Variants in MAPK10 observed in about 807,000 individuals in gnomAD.
MAPK10 encodes mitogen-activated protein kinase 10.
MAPK10 carries 25 observed loss-of-function variants against 59.3 expected under a neutral mutation model. The observed-to-expected ratio is 0.42, with a 90% CI of 0.31 to 0.59. MAPK10 has a LOEUF of 0.59. Among genes scored for constraint, MAPK10 ranks in the 20% least tolerant of loss-of-function variants. MAPK10 has a pLI of 0.15. For synonymous variants in MAPK10, 190 were observed against 200.5 expected (o/e 0.95, Z 0.44); for missense variants, 351 against 568.9 (o/e 0.62, Z 3.90).
intron 4 of MAPK10, among the ~76,000 whole-genome samples, chr4:86,129,697 T>C (rs995834652): frequency 6.6e-6 from 1 of 152,178 alleles, no homozygotes; most frequent in Non-Finnish European, 1.5e-5. Flanking sequence ...TTGGTGTCAT[T>C]AGCAGCCAGT....
At chr4:86,296,147 G>C (rs186720221) in intron 2 of MAPK10, among the ~76,000 whole-genome samples, 44 of 148,574 alleles carry the variant, frequency 3.0e-4, no homozygotes, top group African/African-American at 9.0e-4. Context: ...CTGCACTCCA[G>C]CCTGAGTGAC....
At chr4:86,315,987 A>G (rs1578137603) in intron 2 of MAPK10, among the ~76,000 whole-genome samples, 1 of 152,302 alleles carries the variant, frequency 6.6e-6, no homozygotes, top group Non-Finnish European at 1.5e-5. Flanking sequence ...GTGCAAGTAA[A>G]TCTCTATACC....
At chr4:86,140,674 AAAGTAT>A (rs1031914250) in intron 4 of MAPK10, among the ~76,000 whole-genome samples, 43 of 151,768 alleles carry the variant, frequency 2.8e-4, no homozygotes, top group Middle Eastern at 3.4e-3. Flanking sequence ...CCTAAAACTT[AAAGTAT>A]AATAATAAAA....
intron 2 of MAPK10, among the ~76,000 whole-genome samples, chr4:86,241,860 C>T (rs1358331013): frequency 2.0e-5 from 3 of 152,170 alleles, no homozygotes; most frequent in Non-Finnish European, 4.4e-5. Context: ...CTGTCTAGTT[C>T]TTCACCTTTG....
chr4:86,080,717 G>C (rs933311488), intron 9 of MAPK10: 4 of 151,820 alleles, frequency 2.6e-5, no homozygotes, highest in Non-Finnish European at 5.9e-5. Flanking sequence ...AGCCTAAAAA[G>C]AAAACTAAAA....
At chr4:86,352,565 T>C (rs963675065) in intron 2 of MAPK10, among the ~76,000 whole-genome samples, 1 of 152,108 alleles carries the variant, frequency 6.6e-6, no homozygotes, top group Non-Finnish European at 1.5e-5. Context: ...GTAATGTGCA[T>C]GACAAAAGGT....
chr4:86,323,794 G>A (rs2095957246), intron 2 of MAPK10, among the ~76,000 whole-genome samples: 1 of 152,102 alleles, frequency 6.6e-6, no homozygotes, highest in South Asian at 2.1e-4. Flanking sequence ...ATAATTAAGA[G>A]TTGAACCACT....
chr4:86,577,146 C>T (rs1430298401), intron 1 of MAPK10, among the ~76,000 whole-genome samples: 1 of 151,852 alleles, frequency 6.6e-6, no homozygotes. Context: ...CAACCACCCA[C>T]CTCTACAAAA....
At chr4:86,250,276 G>A (rs2093343812) in intron 2 of MAPK10, among the ~76,000 whole-genome samples, 1 of 152,144 alleles carries the variant, frequency 6.6e-6, no homozygotes, top group African/African-American at 2.4e-5. Flanking sequence ...TTTCTCTCCA[G>A]TAATCACAGA....
intron 11 of MAPK10, among the ~76,000 whole-genome samples, chr4:86,036,543 A>T (rs552779417): frequency 2.6e-5 from 4 of 152,182 alleles, no homozygotes; most frequent in Non-Finnish European, 2.9e-5. Flanking sequence ...CAGTCAGGAA[A>T]CTAAGATTCA....
At chr4:86,162,361 A>G (rs1432802914) in intron 3 of MAPK10, among the ~76,000 whole-genome samples, 2 of 152,028 alleles carry the variant, frequency 1.3e-5, no homozygotes, top group Admixed American at 1.3e-4. Flanking sequence ...AGGTTTTTAA[A>G]GGAAAAATGA....
intron 2 of MAPK10, among the ~76,000 whole-genome samples, chr4:86,344,842 C>A (rs1438677734): frequency 6.6e-6 from 1 of 152,084 alleles, no homozygotes; most frequent in Non-Finnish European, 1.5e-5. Flanking sequence ...GTTTAGAAAT[C>A]ATTATTTCTA....
intron 1 of MAPK10, among the ~76,000 whole-genome samples, chr4:86,430,643 C>A (rs1022881228): frequency 4.6e-5 from 7 of 152,052 alleles, no homozygotes; most frequent in African/African-American, 1.7e-4. Context: ...TCTACAAAAG[C>A]GCCATTTAAG....
intron 4 of MAPK10, among the ~76,000 whole-genome samples, chr4:86,156,737 G>C (rs1274675430): frequency 6.6e-6 from 1 of 151,958 alleles, no homozygotes; most frequent in African/African-American, 2.4e-5. Context: ...TCCCATGCTT[G>C]TTTTTGTTCC....
intron 5 of MAPK10, among the ~76,000 whole-genome samples, chr4:86,103,720 A>T (rs2056009093): frequency 6.6e-6 from 1 of 151,996 alleles, no homozygotes; most frequent in African/African-American, 2.4e-5. Flanking sequence ...CCTCACACTC[A>T]AATATTAAAC....
chr4:86,208,075 A>T (rs191580742), intron 2 of MAPK10, among the ~76,000 whole-genome samples: 1 of 151,990 alleles, frequency 6.6e-6, no homozygotes, highest in East Asian at 1.9e-4. Context: ...CAATAACAGG[A>T]TCTGAAATTG....
chr4:86,426,560 C>T (rs1747303128), intron 1 of MAPK10, among the ~76,000 whole-genome samples: 1 of 152,184 alleles, frequency 6.6e-6, no homozygotes, highest in African/African-American at 2.4e-5. Flanking sequence ...GTTCAACCCA[C>T]CAGTTCCACA....
chr4:86,071,505 C>G (rs1293308310), intron 9 of MAPK10, among the ~76,000 whole-genome samples: 1 of 143,390 alleles, frequency 7.0e-6, no homozygotes, highest in Non-Finnish European at 1.5e-5. Flanking sequence ...AGGTTTTCTT[C>G]TAGGGTTTTT....
chr4:86,542,918 G>A (rs1032937790), intron 1 of MAPK10, among the ~76,000 whole-genome samples: 11 of 152,102 alleles, frequency 7.2e-5, no homozygotes, highest in African/African-American at 9.7e-5. Context: ...AGTGCTTGTC[G>A]CTGGCATCAG....
Sources: allele counts gnomAD v4.1 joint callset (sites outside exome capture counted in the v4.1 genomes callset), GRCh38; gene constraint gnomAD v4.1.1; transcripts MANE v1.5; gene names NCBI Gene and HGNC (gene_info 2026-07-23, HGNC 2026-07-21).